ZNF681: variants seen among roughly 807,000 people sequenced by gnomAD.
ZNF681 encodes the protein hypothetical protein FLJ31526.
A neutral mutation model predicts 56.0 loss-of-function variants in ZNF681; 37 were observed. The observed-to-expected ratio is 0.66, with a 90% CI of 0.51 to 0.87. The LOEUF (loss-of-function observed/expected upper bound fraction) is 0.87, where lower values mean the gene tolerates loss of function less well. Among genes scored for constraint, ZNF681 ranks in the 40% least tolerant of loss-of-function variants. The pLI is 0.00. For synonymous variants in ZNF681, 225 were observed against 248.6 expected (o/e 0.91, Z 0.89); for missense variants, 741 against 744.9 (o/e 0.99, Z 0.06).
chr19:23,746,131 A>G (rs186160787), intron 3 of ZNF681, among the ~76,000 whole-genome samples: 266 of 152,186 alleles, frequency 1.7e-3, no homozygotes, highest in African/African-American at 6.2e-3. Context: ...CCTGGCCAAC[A>G]TGGTGAAACC....
At chr19:23,758,471 T>C (rs1486846585) in intron 1 of ZNF681, among the ~76,000 whole-genome samples, 1 of 152,106 alleles carries the variant, frequency 6.6e-6, no homozygotes, top group Non-Finnish European at 1.5e-5. Context: ...CTGACGACCC[T>C]CCCGTGGTCC....
chr19:23,754,882 A>G lies in ZNF681; in HGVS notation c.167T>C (p.Leu56Pro). 1 of 1,614,056 alleles carries G rather than the reference A, an allele frequency of 6.2e-7. No homozygotes were observed. ...VVSKPDLITC[L>P]EQEKEPWTRK... ...AGTCCAAGGCTCTTTTTCTTGTTCCAGACAGGTGATCAGGTCTGGCTTAGA... is the reference window on the plus strand; with the variant it reads ...AGTCCAAGGCTCTTTTTCTTGTTCCGGACAGGTGATCAGGTCTGGCTTAGA... The change falls in exon 3 of 4, where the codon CTG becomes CCG. Residue 56 changes from leucine to proline, a missense_variant. By Grantham distance (98) the Leu-to-Pro change is moderately conservative. Transcript: ENST00000402377.
chr19:23,747,406 G>A (rs376645486), intron 3 of ZNF681, among the ~76,000 whole-genome samples: 6 of 151,994 alleles, frequency 3.9e-5, no homozygotes, highest in African/African-American at 1.2e-4. Flanking sequence ...TTGGGAGGCC[G>A]AGGCGGGCGT....
intron 3 of ZNF681, among the ~76,000 whole-genome samples, chr19:23,750,283 C>CAA (rs74175768): frequency 4.4e-4 from 14 of 31,642 alleles, no homozygotes; most frequent in Non-Finnish European, 5.3e-4. Flanking sequence ...GACTCCAACT[C>CAA]AAAAAAAAAA....
chr19:23,745,168 T>G lies in ZNF681; in HGVS notation c.382A>C (p.Asn128His). 2 of 1,613,292 alleles carry G rather than the reference T, an allele frequency of 1.2e-6. No homozygotes were observed. Among genetic ancestry groups the G allele is most frequent in the Non-Finnish European group, 1.7e-6 (2 of 1,179,830 alleles). ...DECKVQKGGY[N>H]GLNQCLPTTQ... The stretch of plus-strand genomic sequence containing the variant: ...GTTGGCAAACATTGGTTAAGTCCAT[T>G]ATAACCTCCTTTTTGCACTTTGCAC... The change falls in exon 4 of 4, where the codon AAT becomes CAT. Residue 128 changes from asparagine to histidine, a missense_variant. By Grantham distance (68) the Asn-to-His change is moderately conservative (BLOSUM62 1). Coordinates refer to ENST00000402377, the MANE Select transcript of ZNF681 (RefSeq NM_138286.3).
rs1238252602 is a variant in ZNF681, at chr19:23,739,297, A to AT, written c.*4314dup. The AT allele has an allele frequency of 2.0e-5, 3 of 152,214 alleles. No individual in the cohort carries two copies. The highest frequency in any genetic ancestry group is 4.4e-5 in the Non-Finnish European group (3 of 68,038). 9.4% of individuals were successfully genotyped at this position (152,214 alleles called of 1,614,324 possible). On this transcript the variant is annotated 3_prime_UTR_variant, in exon 4 of 4. Transcript: ENST00000402377. ...AAAATTAATCTAACTGAAGTGGAGA[A>AT]TAAAATGGTGACCACCAGATGCCAA... is the stretch of plus-strand genomic sequence containing the variant.
chr19:23,758,858 G>A lies in ZNF681; in HGVS notation c.-109C>T, dbSNP rs1969168406. 4.0e-6 allele frequency: 6 copies of A among 1,490,344 alleles called. No homozygotes were observed. Among genetic ancestry groups the A allele is most frequent in the East Asian group, 2.3e-5 (1 of 44,024 alleles). 92.3% of individuals were successfully genotyped at this position (1,490,344 alleles called of 1,614,324 possible). On this transcript the variant is annotated 5_prime_UTR_variant, in exon 1 of 4. Coordinates refer to ENST00000402377, the MANE Select transcript of ZNF681 (RefSeq NM_138286.3). ...GAAGAAGAGGACACAGAGCAGTGAA[G>A]ACGAGACCCGGAGCTCGGGCTGAAG...
Position 23,754,804 on chromosome 19 carries a change from C to T in ZNF681, c.226+19G>A, listed in dbSNP as rs1461350154. The T allele has an allele frequency of 6.3e-7, 1 of 1,596,460 alleles. No homozygotes were observed. The highest frequency in any genetic ancestry group is 1.3e-5 in the African/African-American group (1 of 74,516). On this transcript the variant is annotated intron_variant, in intron 3 of 3. Coordinates refer to ENST00000402377, the MANE Select transcript of ZNF681 (RefSeq NM_138286.3). ...GCTCATCTATGTTATCTGTTGTATTCACTTTCACTCTCACCTACCTGGGGG... is the reference window on the plus strand; with the variant it reads ...GCTCATCTATGTTATCTGTTGTATTTACTTTCACTCTCACCTACCTGGGGG...
At chr19:23,747,553 T>C (rs1017181421) in intron 3 of ZNF681, among the ~76,000 whole-genome samples, 4 of 141,814 alleles carry the variant, frequency 2.8e-5, no homozygotes, top group African/African-American at 1.1e-4. Context: ...GGCAGGAGAA[T>C]GGCATGAACC....
chr19:23,758,681 C>A, intron 1 of ZNF681, 66 bp downstream of exon 1: 1 of 1,612,042 alleles, frequency 6.2e-7, no homozygotes, highest in East Asian at 2.2e-5. Flanking sequence ...GAGCTGACTG[C>A]GGCGAGGTCT....
At chr19:23,749,091 G>A (rs763495598) in intron 3 of ZNF681, among the ~76,000 whole-genome samples, 3 of 152,110 alleles carry the variant, frequency 2.0e-5, no homozygotes, top group Non-Finnish European at 4.4e-5. Flanking sequence ...AAAGACTGAA[G>A]CAACCCTTTC....
chr19:23,749,512 G>A (rs1198538868), intron 3 of ZNF681, among the ~76,000 whole-genome samples: 1 of 151,858 alleles, frequency 6.6e-6, no homozygotes, highest in Non-Finnish European at 1.5e-5. Context: ...CACAATTATG[G>A]CTAAGTGTAG....
intron 1 of ZNF681, among the ~76,000 whole-genome samples, chr19:23,757,627 T>C (rs997669149): frequency 5.9e-5 from 9 of 152,088 alleles, no homozygotes; most frequent in Non-Finnish European, 1.3e-4. Context: ...TGCTTTTGTG[T>C]TTCAGGAATT....
At chr19:23,747,161 TG>T (rs1318090377) in intron 3 of ZNF681, among the ~76,000 whole-genome samples, 2 of 152,130 alleles carry the variant, frequency 1.3e-5, no homozygotes, top group Non-Finnish European at 2.9e-5. Context: ...GTACACTAAA[TG>T]TTTTCTGACT....
Position 23,744,755 on chromosome 19 carries a change from C to T in ZNF681, c.795G>A (p.Leu265=), listed in dbSNP as rs568276168. 6.2e-7 allele frequency: 1 copy of T among 1,613,368 alleles called. No homozygotes were observed. The highest frequency in any genetic ancestry group is 8.5e-7 in the Non-Finnish European group (1 of 1,179,610). The change falls in exon 4 of 4, where the codon CTG becomes CTA. Residue 265 remains leucine, a synonymous_variant. Transcript: ENST00000402377. ...TTGTATGTGTTGTAATGTGTGACGA[C>T]AGGTTAAAGGCTTTGCTACATTCTT... The part of the protein sequence containing the change: ...KREECSKAFN[L]SSHITTHTII...
rs774617419 is a variant in ZNF681 at position 23,744,954 on chromosome 19, T to C, written c.596A>G (p.Lys199Arg). The stretch of plus-strand genomic sequence containing the variant: ...AAAGGCTTTTCCACAGTCTTCACAT[T>C]TGTAGAAATTTACTCTAGTACAAAT... Reference protein sequence around the residue: ...KIICTRVNFYKCEDCGKAFNG... With the variant: ...KIICTRVNFYRCEDCGKAFNG... The change falls in exon 4 of 4, where the codon AAA (lysine) becomes AGA (arginine). Residue 199 changes from lysine (K) to arginine (R), a missense_variant. By Grantham distance (26) the Lys-to-Arg change is conservative. Coordinates refer to ENST00000402377, the MANE Select transcript of ZNF681 (RefSeq NM_138286.3). 8.7e-6 allele frequency: 14 copies of C among 1,602,560 alleles called. No individual in the cohort carries two copies. The highest frequency in any genetic ancestry group is 1.1e-5 in the Non-Finnish European group (13 of 1,175,590).
rs950911512 is a variant in ZNF681 at position 23,741,900 on chromosome 19, G to A, written c.*1712C>T. On this transcript the variant is annotated 3_prime_UTR_variant, in exon 4 of 4. Coordinates refer to ENST00000402377, the MANE Select transcript of ZNF681 (RefSeq NM_138286.3). ...TACCCACAAAAATTAAGAAAAATAA[G>A]TTTAAATAAGAAAAAATGAGTAATA... is the stretch of plus-strand genomic sequence containing the variant. 2.0e-5 allele frequency: 3 copies of A among 151,644 alleles called. No homozygotes were observed. Among genetic ancestry groups the A allele is most frequent in the African/African-American group, 4.8e-5 (2 of 41,250 alleles). 9.4% of individuals were successfully genotyped at this position (151,644 alleles called of 1,614,324 possible). A position where few individuals can be genotyped will look rare whatever the true frequency, so the allele number is the denominator to read the frequency against.
In ZNF681 at chr19:23,739,226, T is replaced by G. The variant is rs117805167; in HGVS notation, c.*4386A>C. On this transcript the variant is annotated 3_prime_UTR_variant, in exon 4 of 4. Coordinates refer to ENST00000402377, the MANE Select transcript of ZNF681 (RefSeq NM_138286.3). ...TTTAAAATAAAAAAATTTATTATTT[T>G]CAATTACATAGATTAACCAAATTAT... 1 of 152,200 alleles carries G rather than the reference T, an allele frequency of 6.6e-6. No homozygotes were observed. The highest frequency in any genetic ancestry group is 1.5e-5 in the Non-Finnish European group (1 of 67,988). 9.4% of individuals were successfully genotyped at this position (152,200 alleles called of 1,614,324 possible).
Position 23,743,177 on chromosome 19 carries a change from T to C in ZNF681, c.*435A>G, listed in dbSNP as rs1223275916. Reference sequence around the variant, plus strand: ...GGTTTTTCTCCAATATAAATTTCCTTATGTTGCACAAAGTTTAAGCAACTG... The same window carrying C: ...GGTTTTTCTCCAATATAAATTTCCTCATGTTGCACAAAGTTTAAGCAACTG... On this transcript the variant is annotated 3_prime_UTR_variant, in exon 4 of 4. Coordinates refer to ENST00000402377, the MANE Select transcript of ZNF681 (RefSeq NM_138286.3). The C allele has an allele frequency of 6.6e-6, 1 of 152,656 alleles. No individual in the cohort carries two copies. The highest frequency in any genetic ancestry group is 6.5e-5 in the Admixed American group (1 of 15,296). 9.5% of individuals were successfully genotyped at this position (152,656 alleles called of 1,614,324 possible). A position where few individuals can be genotyped will look rare whatever the true frequency, so the allele number is the denominator to read the frequency against.
Sources: gnomAD v4.1 joint callset for allele counts (sites outside exome capture counted in the v4.1 genomes callset) on GRCh38, gnomAD v4.1.1 for gene constraint, MANE v1.5 for transcripts, NCBI Gene and HGNC (gene_info 2026-07-23, HGNC 2026-07-21) for gene names.